CNTNAP2: variants seen among roughly 807,000 people sequenced by gnomAD.
The protein encoded by CNTNAP2 is contactin associated protein 2.
CNTNAP2 carries 98 observed loss-of-function variants against 155.2 expected under a neutral mutation model. That is an observed-to-expected ratio of 0.63 (90% CI 0.54 to 0.75). The LOEUF is 0.75. Among genes scored for constraint, CNTNAP2 ranks in the 30% least tolerant of loss-of-function variants. CNTNAP2 has a pLI of 0.00. For synonymous variants in CNTNAP2, 651 were observed against 631.2 expected (o/e 1.03, Z -0.47); for missense variants, 1,727 against 1,688.1 (o/e 1.02, Z -0.40).
At chr7:147,047,266 G>A (rs1278317127) in intron 4 of CNTNAP2, among the ~76,000 whole-genome samples, 21 of 132,804 alleles carry the variant, frequency 1.6e-4, no homozygotes, top group African/African-American at 3.6e-4. Context: ...CCACCACCAC[G>A]CCCGGCTAAT....
chr7:147,914,933 C>T (rs1800134022), intron 14 of CNTNAP2, among the ~76,000 whole-genome samples: 1 of 152,260 alleles, frequency 6.6e-6, no homozygotes. Flanking sequence ...GAAACAATTA[C>T]AACGCAATAG....
At chr7:148,292,209 C>T (rs1475879040) in intron 21 of CNTNAP2, among the ~76,000 whole-genome samples, 1 of 152,178 alleles carries the variant, frequency 6.6e-6, no homozygotes, top group Admixed American at 6.5e-5. Flanking sequence ...GAAGATTTTT[C>T]TCTCTTCTTG....
intron 2 of CNTNAP2, among the ~76,000 whole-genome samples, chr7:146,827,496 T>C (rs1803429263): frequency 6.7e-6 from 1 of 150,346 alleles, no homozygotes; most frequent in Admixed American, 6.6e-5. Context: ...CAAGAATGTT[T>C]TTACTTTTTT....
chr7:146,483,330 C>CACAT (rs1797006694), intron 1 of CNTNAP2, among the ~76,000 whole-genome samples: 1 of 40,292 alleles, frequency 2.5e-5, no homozygotes, highest in African/African-American at 1.2e-4. Flanking sequence ...TATATATATA[C>CACAT]ATATATATAT....
intron 1 of CNTNAP2, among the ~76,000 whole-genome samples, chr7:146,188,517 A>T (rs115316937): frequency 0.014 from 2,173 of 152,218 alleles, 45 homozygotes; most frequent in African/African-American, 0.048. Flanking sequence ...CACTTTATCG[A>T]GTTTCCTTCT....
chr7:148,172,143 T>C lies in CNTNAP2; in HGVS notation c.2774-99T>C, dbSNP rs560058955. 5.9e-5 allele frequency: 66 copies of C among 1,126,650 alleles called. 2 individuals carry two copies. In the South Asian group the frequency reaches 8.0e-4, roughly 14 times the overall value. The allele number at this position is 1,126,650 out of a possible 1,614,324, so 69.8% of individuals were successfully genotyped here. On this transcript the variant is annotated intron_variant, in intron 17 of 23. Transcript: ENST00000361727. ...TTGATAGTGACAATACTAGATGTGC[T>C]ATGCAGTGTCATCTCCTACCACAGT...
intron 1 of CNTNAP2, among the ~76,000 whole-genome samples, chr7:146,492,049 A>G (rs942479655): frequency 6.6e-6 from 1 of 152,122 alleles, no homozygotes; most frequent in African/African-American, 2.4e-5. Flanking sequence ...CTGATTTTCT[A>G]TAATTAAGAA....
intron 9 of CNTNAP2, among the ~76,000 whole-genome samples, chr7:147,368,273 T>C (rs2116909694): frequency 6.6e-6 from 1 of 152,076 alleles, no homozygotes; most frequent in South Asian, 2.1e-4. Context: ...AGGGTCATTC[T>C]GGACAGCTGG....
At chr7:148,016,194 G>A (rs1802174243) in intron 15 of CNTNAP2, among the ~76,000 whole-genome samples, 1 of 152,198 alleles carries the variant, frequency 6.6e-6, no homozygotes, top group Admixed American at 6.5e-5. Context: ...GTCCTTTGTA[G>A]AGGACCGGGG....
At chr7:147,859,102 T>G (rs17826091) in intron 13 of CNTNAP2, among the ~76,000 whole-genome samples, 5,828 of 152,288 alleles carry the variant, frequency 0.038, 173 homozygotes, top group Middle Eastern at 0.061. Flanking sequence ...GTTTGCATTA[T>G]CCTTATAAAT....
At chr7:146,624,584 T>C (rs1185563529) in intron 1 of CNTNAP2, among the ~76,000 whole-genome samples, 1 of 152,068 alleles carries the variant, frequency 6.6e-6, no homozygotes, top group Admixed American at 6.5e-5. Flanking sequence ...TTTTCTACTC[T>C]CTTCCATTTT....
At chr7:147,173,384 T>C (rs1802270889) in intron 8 of CNTNAP2, among the ~76,000 whole-genome samples, 1 of 152,116 alleles carries the variant, frequency 6.6e-6, no homozygotes, top group Non-Finnish European at 1.5e-5. Context: ...AAAGTGTTTA[T>C]GAAGTACCTA....
chr7:147,488,734 T>G (rs1029777522), intron 11 of CNTNAP2, among the ~76,000 whole-genome samples: 1 of 152,174 alleles, frequency 6.6e-6, no homozygotes, highest in African/African-American at 2.4e-5. Context: ...TAGTTCAAGA[T>G]GGAACAGAGA....
intron 1 of CNTNAP2, among the ~76,000 whole-genome samples, chr7:146,406,409 A>C (rs982254819): frequency 6.6e-6 from 1 of 152,228 alleles, no homozygotes; most frequent in Non-Finnish European, 1.5e-5. Context: ...CTCTTCAGAC[A>C]TGGTTGAGGA....
intron 8 of CNTNAP2, among the ~76,000 whole-genome samples, chr7:147,211,400 C>G (rs566105496): frequency 6.6e-6 from 1 of 152,022 alleles, no homozygotes; most frequent in East Asian, 1.9e-4. Context: ...TTTGCCATAG[C>G]TCAACATCAA....
intron 11 of CNTNAP2, among the ~76,000 whole-genome samples, chr7:147,486,698 A>G (rs1798516873): frequency 6.6e-6 from 1 of 152,212 alleles, no homozygotes; most frequent in Non-Finnish European, 1.5e-5. Flanking sequence ...AAAAGGTTAA[A>G]TAAAAAATAA....
At chr7:147,322,573 A>G (rs965022671) in intron 9 of CNTNAP2, among the ~76,000 whole-genome samples, 1 of 149,892 alleles carries the variant, frequency 6.7e-6, no homozygotes, top group African/African-American at 2.5e-5. Context: ...TTGGTATCAG[A>G]ATGATGCTGG....
intron 15 of CNTNAP2, among the ~76,000 whole-genome samples, chr7:148,067,037 T>G (rs1482042565): frequency 6.6e-6 from 1 of 152,198 alleles, no homozygotes; most frequent in Admixed American, 6.5e-5. Context: ...TTAAGTTGGT[T>G]TTCACCTTTC....
chr7:146,802,509 G>C lies in CNTNAP2; in HGVS notation c.208+28128G>C, dbSNP rs929752022. Among the ~76,000 whole-genome samples the C allele has an allele frequency of 2.0e-5, 3 of 152,092 alleles. 1 individual carries two copies. Among genetic ancestry groups the C allele is most frequent in the Admixed American group, 2.0e-4 (3 of 15,270 alleles). ...AGGGACCTGGTAGGAGATGATCATGGGGGGCAAGATTTCCACCTTGCTGCT... is the reference window on the plus strand; with the variant it reads ...AGGGACCTGGTAGGAGATGATCATGCGGGGCAAGATTTCCACCTTGCTGCT... On this transcript the variant is annotated intron_variant, in intron 2 of 23. Transcript: ENST00000361727.
Sources: gnomAD v4.1 joint callset for allele counts (sites outside exome capture counted in the v4.1 genomes callset) on GRCh38, gnomAD v4.1.1 for gene constraint, MANE v1.5 for transcripts, NCBI Gene and HGNC (gene_info 2026-07-23, HGNC 2026-07-21) for gene names.